The following PKHD1 variants were observed in gnomAD, a reference collection of about 807,000 sequenced individuals.
PKHD1 encodes the protein fibrocystin.
Under a neutral mutation model 412.0 loss-of-function variants are expected in PKHD1, and 291 were observed. The observed-to-expected ratio is 0.71, with a 90% CI of 0.64 to 0.78. PKHD1 has a LOEUF of 0.78. Among genes scored for constraint, PKHD1 ranks in the 30% least tolerant of loss-of-function variants. The probability of loss-of-function intolerance (pLI) is 0.00; values close to 1 mark genes in which losing one functional copy is unlikely to be tolerated. For synonymous variants in PKHD1, 1,777 were observed against 1,821.5 expected, an observed-to-expected ratio of 0.98 and a Z score of 0.62; for missense variants, 4,825 against 4,950.7, an observed-to-expected ratio of 0.97 and a Z score of 0.76.
At chr6:51,685,779 A>G (rs922841196) in intron 60 of PKHD1, among the ~76,000 whole-genome samples, 6 of 152,156 alleles carry the variant, frequency 3.9e-5, no homozygotes, top group African/African-American at 1.4e-4. Context: ...TATTGTTTTA[A>G]GAATCATTAC....
intron 60 of PKHD1, among the ~76,000 whole-genome samples, chr6:51,684,718 A>C (rs1002396256): frequency 6.6e-6 from 1 of 152,120 alleles, no homozygotes; most frequent in Non-Finnish European, 1.5e-5. Flanking sequence ...AGCTTTACTA[A>C]GGTCTGAAAA....
rs771563591 is a variant in PKHD1, at chr6:51,867,955, T to C, written c.7641A>G (p.Ser2547=). ...SHILASMETL[S]ASCLVNSSFG... is the part of the protein sequence containing the mutation. ...AGCTTGAATTGACCAAACAAGAAGCTGAAAGGGTTTCCATAGAAGCAAGAA... is the reference window on the plus strand; with the variant it reads ...AGCTTGAATTGACCAAACAAGAAGCCGAAAGGGTTTCCATAGAAGCAAGAA... Residue 2547 remains serine, a synonymous_variant, in exon 48 of 67, where the codon TCA becomes TCG. Transcript: ENST00000371117. 11 of 1,613,326 alleles carry C rather than the reference T, an allele frequency of 6.8e-6. No individual in the cohort carries two copies. In the East Asian group the frequency reaches 2.5e-4, roughly 36 times the overall value.
chr6:51,993,071 AT>A (rs1317114478), intron 35 of PKHD1, among the ~76,000 whole-genome samples: 7 of 152,214 alleles, frequency 4.6e-5, no homozygotes, highest in Non-Finnish European at 8.8e-5. Context: ...ACCAGTCCGG[AT>A]TTGCTACAGG....
intron 36 of PKHD1, among the ~76,000 whole-genome samples, chr6:51,937,241 T>C (rs1430834790): frequency 6.6e-6 from 1 of 152,178 alleles, no homozygotes; most frequent in Non-Finnish European, 1.5e-5. Flanking sequence ...CCACTCCTAC[T>C]TGTCTAACCT....
chr6:51,826,422 C>T (rs1432811108), intron 52 of PKHD1, among the ~76,000 whole-genome samples: 1 of 152,046 alleles, frequency 6.6e-6, no homozygotes, highest in East Asian at 1.9e-4. Flanking sequence ...ATATTTGCAC[C>T]CTTCAAAACA....
intron 55 of PKHD1, among the ~76,000 whole-genome samples, chr6:51,772,241 A>G (rs1392015044): frequency 1.3e-5 from 2 of 151,926 alleles, no homozygotes; most frequent in African/African-American, 4.8e-5. Context: ...CATTTTACCT[A>G]TTCTTTGAGG....
intron 64 of PKHD1, among the ~76,000 whole-genome samples, chr6:51,637,675 G>A (rs945200793): frequency 6.6e-6 from 1 of 152,072 alleles, no homozygotes; most frequent in African/African-American, 2.4e-5. Flanking sequence ...GGAGGCTGAG[G>A]CAGGCGAATC....
intron 2 of PKHD1, 80 bp downstream of exon 2, chr6:52,084,802 T>G: frequency 1.1e-6 from 1 of 934,590 alleles, no homozygotes; most frequent in South Asian, 1.3e-5. Context: ...ACCAAAATAT[T>G]ACTTTAAGTT....
At chr6:51,937,552 C>G (rs1787707345) in intron 36 of PKHD1, among the ~76,000 whole-genome samples, 1 of 152,222 alleles carries the variant, frequency 6.6e-6, no homozygotes, top group African/African-American at 2.4e-5. Flanking sequence ...TTCTCTTCAG[C>G]TTTCCTCAGC....
intron 60 of PKHD1, among the ~76,000 whole-genome samples, chr6:51,712,773 C>T (rs956618643): frequency 6.6e-6 from 1 of 152,182 alleles, no homozygotes; most frequent in Non-Finnish European, 1.5e-5. Context: ...TGAAATTCAA[C>T]TTACTCCTCT....
rs1240880342 is a variant in PKHD1 at position 52,044,998 on chromosome 6, C to G, written c.2683G>C (p.Asp895His). The change falls in exon 25 of 67, where the codon GAC (aspartate) becomes CAC (histidine). Residue 895 changes from aspartate (D) to histidine (H), a missense_variant. Physicochemically the swap from Asp to His is moderately conservative, Grantham distance 81 (BLOSUM62 -1). Transcript: ENST00000371117. ...TGCTGGTTGGCAGTAGCCAACATGTCTCCAAATATGGGTCCAAGAAAAACT... is the reference window on the plus strand; with the variant it reads ...TGCTGGTTGGCAGTAGCCAACATGTGTCCAAATATGGGTCCAAGAAAAACT... ...GGVFLGPIFG[D>H]MLATANQHTQ... The G allele has an allele frequency of 6.2e-7, 1 of 1,613,584 alleles. No homozygotes were observed. The highest frequency in any genetic ancestry group is 8.5e-7 in the Non-Finnish European group (1 of 1,179,654).
chr6:51,837,964 T>C (rs1769531618), intron 50 of PKHD1, among the ~76,000 whole-genome samples: 1 of 152,222 alleles, frequency 6.6e-6, no homozygotes, highest in Non-Finnish European at 1.5e-5. Flanking sequence ...TCCAAGACTT[T>C]GCTTAAATTG....
intron 35 of PKHD1, among the ~76,000 whole-genome samples, chr6:51,975,396 G>T (rs1794237562): frequency 6.6e-6 from 1 of 151,952 alleles, no homozygotes; most frequent in South Asian, 2.1e-4. Flanking sequence ...TTATACAACT[G>T]ATAAGAGATT....
At chr6:51,683,615 T>C (rs1445441126) in intron 60 of PKHD1, among the ~76,000 whole-genome samples, 1 of 152,096 alleles carries the variant, frequency 6.6e-6, no homozygotes, top group Non-Finnish European at 1.5e-5. Context: ...GGATGATGTA[T>C]GGCATAGACT....
In PKHD1 at chr6:51,616,748, A is replaced by G. The variant is rs1452023270; in HGVS notation, c.*2333T>C. ...TATGGTTATTCCTACGCAGAGGGAT[A>G]GGATAAAACATGCCTCCCAGAAAGA... is the stretch of plus-strand genomic sequence containing the variant. On this transcript the variant is annotated 3_prime_UTR_variant, in exon 67 of 67. Transcript: ENST00000371117. The G allele has an allele frequency of 2.3e-5, 9 of 398,290 alleles. No individual in the cohort carries two copies. The highest frequency in any genetic ancestry group is 3.5e-5 in the Non-Finnish European group (8 of 225,906). 24.7% of individuals were successfully genotyped at this position (398,290 alleles called of 1,614,324 possible). A position where few individuals can be genotyped will look rare whatever the true frequency, so the allele number is the denominator to read the frequency against.
intron 36 of PKHD1, among the ~76,000 whole-genome samples, chr6:51,948,248 C>A (rs986970453): frequency 1.2e-4 from 19 of 152,148 alleles, no homozygotes; most frequent in African/African-American, 4.6e-4. Context: ...TTCATGTGAA[C>A]CATATCGTGT....
At chr6:51,632,803 A>G (rs1012442587) in intron 64 of PKHD1, 80 bp from the exon 65 acceptor site, 25 of 1,103,552 alleles carry the variant, frequency 2.3e-5, no homozygotes, top group Non-Finnish European at 2.6e-5. Context: ...AAATAAATAC[A>G]TTCATAATAG....
Position 52,028,211 on chromosome 6 carries a change from C to A in PKHD1, c.3505G>T (p.Ala1169Ser). 1.2e-6 allele frequency: 2 copies of A among 1,614,226 alleles called. No homozygotes were observed. The highest frequency in any genetic ancestry group is 1.7e-6 in the Non-Finnish European group (2 of 1,180,034). The change falls in exon 30 of 67, where the codon GCT (alanine) becomes TCT (serine). Residue 1169 changes from alanine (A) to serine (S), a missense_variant. Ala to Ser is a moderately conservative substitution (Grantham distance 99, BLOSUM62 1). Coordinates refer to ENST00000371117, the MANE Select transcript of PKHD1 (RefSeq NM_138694.4). ...GAGACGGAAATTCTGTGGAGACCAG[C>A]TGGCAGTGGGGGCAGTGCCACCTCC... is the stretch of plus-strand genomic sequence containing the variant. ...GLEVALPPLPAGLHRISVSIN... is the reference protein window; with the variant it reads ...GLEVALPPLPSGLHRISVSIN...
intron 53 of PKHD1, among the ~76,000 whole-genome samples, chr6:51,788,381 G>GC (rs988549013): frequency 1.3e-5 from 2 of 151,730 alleles, no homozygotes; most frequent in Non-Finnish European, 2.9e-5. Flanking sequence ...CCTACCCAGT[G>GC]CCCCAGGATG....
Sources: allele counts gnomAD v4.1 joint callset (sites outside exome capture counted in the v4.1 genomes callset), GRCh38; gene constraint gnomAD v4.1.1; transcripts MANE v1.5; gene names NCBI Gene and HGNC (gene_info 2026-07-23, HGNC 2026-07-21).